TG: variants seen among roughly 807,000 people sequenced by gnomAD.
TG encodes thyroglobulin.
Under a neutral mutation model 324.7 loss-of-function variants are expected in TG, and 270 were observed. That is an observed-to-expected ratio of 0.83 (90% CI 0.75 to 0.92). TG has a LOEUF of 0.92. Among genes scored for constraint, TG ranks in the 40% least tolerant of loss-of-function variants. The pLI is 0.00. For synonymous variants in TG, 1,401 were observed against 1,327.0 expected, an observed-to-expected ratio of 1.06 and a Z score of -1.21; for missense variants, 3,591 against 3,456.4, an observed-to-expected ratio of 1.04 and a Z score of -0.98.
At chr8:133,039,987 A>G in intron 41 of TG, 1 of 1,548,112 alleles carries the variant, frequency 6.5e-7, no homozygotes, top group African/African-American at 1.4e-5. Context: ...ACATACACAC[A>G]CCATACTCAC....
At chr8:133,013,502 G>C (rs1183283856) in intron 36 of TG, 98 bp from the exon 37 acceptor site, 1 of 1,422,704 alleles carries the variant, frequency 7.0e-7, no homozygotes, top group African/African-American at 1.4e-5. Context: ...TGGATGGAAG[G>C]GTGGATGAGT....
At chr8:132,967,759 C>G (rs1261989905) in intron 30 of TG, 35 bp from the exon 31 acceptor site, 3 of 1,612,216 alleles carry the variant, frequency 1.9e-6, no homozygotes, top group Non-Finnish European at 2.5e-6. Context: ...GTAGACCCCA[C>G]AAAAACTAAA....
At chr8:132,921,488 C>T (rs779000345) in intron 21 of TG, among the ~76,000 whole-genome samples, 25 of 152,264 alleles carry the variant, frequency 1.6e-4, no homozygotes, top group African/African-American at 4.6e-4. Context: ...CTCATTAACC[C>T]GCATTGAATT....
chr8:132,903,457 A>G (rs932879685), intron 16 of TG, among the ~76,000 whole-genome samples: 5 of 152,220 alleles, frequency 3.3e-5, no homozygotes, highest in African/African-American at 1.2e-4. Flanking sequence ...GCCTCTTCCG[A>G]TTCCACAGCA....
intron 34 of TG, among the ~76,000 whole-genome samples, chr8:132,973,537 T>C (rs1421268865): frequency 6.6e-6 from 1 of 152,184 alleles, no homozygotes; most frequent in Non-Finnish European, 1.5e-5. Context: ...TTGTTCCAAC[T>C]CTGCCATCTA....
At chr8:133,089,858 A>G (rs1394614210) in intron 41 of TG, 2 of 151,772 alleles carry the variant, frequency 1.3e-5, no homozygotes, top group Non-Finnish European at 2.9e-5. Flanking sequence ...TGTTCCTCCC[A>G]TTTATTTCCT....
At chr8:133,060,323 G>A (rs1238704264) in intron 41 of TG, 2 of 1,555,944 alleles carry the variant, frequency 1.3e-6, no homozygotes, top group African/African-American at 1.4e-5. Context: ...AAAGGCGGCT[G>A]TTTATATGTG....
intron 20 of TG, among the ~76,000 whole-genome samples, chr8:132,914,225 G>T (rs922828854): frequency 1.3e-5 from 2 of 152,204 alleles, no homozygotes; most frequent in Non-Finnish European, 2.9e-5. Context: ...CTGGGATATG[G>T]ATATCTTTGG....
chr8:133,067,426 CCTT>C (rs1843193083), intron 41 of TG, among the ~76,000 whole-genome samples: 1 of 152,166 alleles, frequency 6.6e-6, no homozygotes, highest in African/African-American at 2.4e-5. Flanking sequence ...CAACTCCTAG[CCTT>C]CTTCTCAGGC....
intron 11 of TG, among the ~76,000 whole-genome samples, chr8:132,895,282 C>A (rs1328990861): frequency 6.6e-6 from 1 of 152,248 alleles, no homozygotes; most frequent in Non-Finnish European, 1.5e-5. Context: ...CCTCCCCTGA[C>A]AACATCTGCT....
At chr8:132,973,101 AC>A (rs1384418848) in intron 34 of TG, among the ~76,000 whole-genome samples, 2 of 152,174 alleles carry the variant, frequency 1.3e-5, no homozygotes, top group African/African-American at 4.8e-5. Flanking sequence ...GTTTGGTCCC[AC>A]CTGGGCTTAG....
At position 132,867,008 on chromosome 8, in the gene TG, T is replaced by C. The variant is rs755500716; in HGVS notation, c.8T>C (p.Leu3Pro). The change falls in exon 1 of 48, where the codon CTG becomes CCG. Residue 3 changes from leucine to proline, a missense_variant. Transcript: ENST00000220616. ...CCAGGAAGGGCCAGGAAAATGGCCC[T>C]GGTCCTGGAGATCTTCACCCTGCTG... MA[L>P]VLEIFTLLAS... 3.1e-6 allele frequency: 5 copies of C among 1,596,320 alleles called. No individual in the cohort carries two copies. Among genetic ancestry groups the C allele is most frequent in the Non-Finnish European group, 4.3e-6 (5 of 1,169,946 alleles).
intron 39 of TG, 33 bp downstream of exon 39, chr8:133,019,728 G>A (rs1451453099): frequency 6.4e-7 from 1 of 1,572,078 alleles, no homozygotes; most frequent in African/African-American, 1.4e-5. Flanking sequence ...TGGTTGCCCT[G>A]AAGACTGTCC....
At chr8:132,909,457 G>A (rs757877459) in intron 18 of TG, among the ~76,000 whole-genome samples, 1 of 152,184 alleles carries the variant, frequency 6.6e-6, no homozygotes, top group Non-Finnish European at 1.5e-5. Flanking sequence ...GAGAGCTGAG[G>A]ACCATGCTGA....
At chr8:132,928,343 C>T (rs569025717) in intron 22 of TG, among the ~76,000 whole-genome samples, 3 of 152,306 alleles carry the variant, frequency 2.0e-5, no homozygotes, top group Non-Finnish European at 2.9e-5. Context: ...GACAGTTACC[C>T]GTAAGACTGC....
At chr8:132,995,049 G>A (rs917217079) in intron 35 of TG, 1 of 957,512 alleles carries the variant, frequency 1.0e-6, no homozygotes, top group Non-Finnish European at 1.2e-6. Flanking sequence ...CTGCTTTTGT[G>A]AGCGCTCACC....
Position 132,906,832 on chromosome 8 carries a change from G to C in TG, c.3779G>C (p.Gly1260Ala), listed in dbSNP as rs771031102. Residue 1260 changes from glycine to alanine, a missense_variant, in exon 17 of 48, where the codon GGG becomes GCG. Gly to Ala is a moderately conservative substitution (Grantham distance 60). Transcript: ENST00000220616. ...GGCTCCTGGAGCGTGTTTCCACCAGGGCCATTGATATGTAGCCTGGAGAGC... is the reference window on the plus strand; with the variant it reads ...GGCTCCTGGAGCGTGTTTCCACCAGCGCCATTGATATGTAGCCTGGAGAGC... ...RQGSWSVFPP[G>A]PLICSLESGR... 6.2e-7 allele frequency: 1 copy of C among 1,614,158 alleles called. No homozygotes were observed.
At chr8:133,103,474 A>C (rs1175854582) in intron 43 of TG, among the ~76,000 whole-genome samples, 1 of 152,194 alleles carries the variant, frequency 6.6e-6, no homozygotes, top group Non-Finnish European at 1.5e-5. Context: ...GGTTCAGAGA[A>C]AGCTGAGGAT....
At chr8:133,096,999 A>G (rs568930522) in intron 43 of TG, among the ~76,000 whole-genome samples, 1 of 152,180 alleles carries the variant, frequency 6.6e-6, no homozygotes, top group South Asian at 2.1e-4. Flanking sequence ...GGCTGAGCAC[A>G]TGCTCCTCTG....
Sources: gnomAD v4.1 joint callset for allele counts (sites outside exome capture counted in the v4.1 genomes callset) on GRCh38, gnomAD v4.1.1 for gene constraint, MANE v1.5 for transcripts, NCBI Gene and HGNC (gene_info 2026-07-23, HGNC 2026-07-21) for gene names.